The following LGR5 variants were observed in gnomAD, a reference collection of about 807,000 sequenced individuals.
LGR5 encodes the protein leucine rich repeat containing G protein-coupled receptor 5, also known as leucine-rich repeat-containing G protein-coupled receptor 5.
A neutral mutation model predicts 76.7 loss-of-function variants in LGR5; 54 were observed. The observed-to-expected ratio is 0.70, with a 90% confidence interval of 0.57 to 0.88. The LOEUF (loss-of-function observed/expected upper bound fraction) is 0.88, where lower values mean the gene tolerates loss of function less well. Ranked by LOEUF, LGR5 falls within the 40% of genes least tolerant of loss-of-function variation. The pLI, the probability that LGR5 is intolerant of heterozygous loss-of-function variation, is 0.00. For missense variants in LGR5, 1,078 were observed against 1,073.3 expected, an observed-to-expected ratio of 1.00 and a Z score of -0.06; for synonymous variants, 406 against 421.9, an observed-to-expected ratio of 0.96 and a Z score of 0.46.
chr12:71,572,872 T>C lies in LGR5; in HGVS notation c.1159T>C (p.Tyr387His). Residue 387 changes from tyrosine to histidine, a missense_variant, in exon 13 of 18, where the codon TAC becomes CAC. Tyr to His is a moderately conservative substitution (Grantham distance 83). Transcript: ENST00000266674. ...CAGTGACCTAAGACATAATGAAATC[T>C]ACGAAATTAAAGTTGACACTTTCCA... ...QKIDLRHNEI[Y>H]EIKVDTFQQL... is the part of the protein sequence containing the mutation. 6.2e-7 allele frequency: 1 copy of C among 1,613,892 alleles called. No individual in the cohort carries two copies. Among genetic ancestry groups the C allele is most frequent in the Non-Finnish European group, 8.5e-7 (1 of 1,179,802 alleles).
intron 4 of LGR5, among the ~76,000 whole-genome samples, chr12:71,540,315 A>C (rs80259529): frequency 0.047 from 7,172 of 152,308 alleles, 225 homozygotes; most frequent in Middle Eastern, 0.12. Flanking sequence ...CCAAGTGTGC[A>C]CAAGTGAAGC....
intron 1 of LGR5, among the ~76,000 whole-genome samples, chr12:71,442,311 A>C (rs1418881405): frequency 6.6e-6 from 1 of 152,128 alleles, no homozygotes. Context: ...ACTTACTGCC[A>C]CCTACTGCCA....
intron 1 of LGR5, chr12:71,441,395 G>T (rs897305532): frequency 1.3e-5 from 2 of 152,206 alleles, no homozygotes; most frequent in Non-Finnish European, 2.9e-5. Flanking sequence ...AAACATTTAG[G>T]TTTTAGATCA....
chr12:71,449,624 A>G (rs576684229), intron 1 of LGR5, among the ~76,000 whole-genome samples: 101 of 152,296 alleles, frequency 6.6e-4, no homozygotes, highest in African/African-American at 2.4e-3. Flanking sequence ...TGTTAGGTAG[A>G]TATGTTCTGG....
intron 1 of LGR5, among the ~76,000 whole-genome samples, chr12:71,484,716 C>A (rs777052481): frequency 6.6e-6 from 1 of 152,172 alleles, no homozygotes; most frequent in Non-Finnish European, 1.5e-5. Flanking sequence ...GGGATGTGAG[C>A]TGAGTACACA....
At chr12:71,481,832 G>A (rs1873619492) in intron 1 of LGR5, among the ~76,000 whole-genome samples, 1 of 151,972 alleles carries the variant, frequency 6.6e-6, no homozygotes, top group African/African-American at 2.4e-5. Context: ...ATGTTGCCTG[G>A]GGGGTATTTT....
chr12:71,508,267 A>G (rs554732434), intron 2 of LGR5, among the ~76,000 whole-genome samples: 61 of 152,080 alleles, frequency 4.0e-4, no homozygotes, highest in African/African-American at 1.5e-3. Flanking sequence ...AAGCCACATT[A>G]TCACTCTTCC....
chr12:71,515,114 G>A (rs1875373742), intron 2 of LGR5, among the ~76,000 whole-genome samples: 1 of 152,184 alleles, frequency 6.6e-6, no homozygotes, highest in Non-Finnish European at 1.5e-5. Context: ...CTGCTGTCAT[G>A]CATTACTGCA....
chr12:71,462,601 G>A (rs1219948996), intron 1 of LGR5, among the ~76,000 whole-genome samples: 2 of 152,110 alleles, frequency 1.3e-5, no homozygotes, highest in Non-Finnish European at 2.9e-5. Flanking sequence ...ATGGCTGGGA[G>A]TAATCGTCTC....
chr12:71,491,546 G>A (rs577175948), intron 1 of LGR5, among the ~76,000 whole-genome samples: 1 of 151,932 alleles, frequency 6.6e-6, no homozygotes, highest in South Asian at 2.1e-4. Context: ...ATCTATGACA[G>A]AGTTTTATCT....
At chr12:71,563,101 A>T (rs1278746271) in intron 8 of LGR5, among the ~76,000 whole-genome samples, 2 of 151,932 alleles carry the variant, frequency 1.3e-5, no homozygotes, top group Non-Finnish European at 2.9e-5. Flanking sequence ...ATATGCTAAT[A>T]CTCCCTGAGG....
At chr12:71,462,298 G>A (rs1181443599) in intron 1 of LGR5, among the ~76,000 whole-genome samples, 1 of 152,058 alleles carries the variant, frequency 6.6e-6, no homozygotes, top group Non-Finnish European at 1.5e-5. Context: ...CTGTCAACTA[G>A]GCCTCTGAAT....
In LGR5 at chr12:71,582,551, A is replaced by G. The variant is rs1879137983; in HGVS notation, c.1636+12A>G. On this transcript the variant is annotated intron_variant, in intron 17 of 17. Coordinates refer to ENST00000266674, the MANE Select transcript of LGR5 (RefSeq NM_003667.4). Reference sequence around the variant, plus strand: ...TTCACCTTCCCCAGGTGAGAAAGGCATCAAAAATTCCTCAACGGCAGTATC... The same window carrying G: ...TTCACCTTCCCCAGGTGAGAAAGGCGTCAAAAATTCCTCAACGGCAGTATC... The G allele has an allele frequency of 1.2e-6, 2 of 1,602,262 alleles. No individual in the cohort carries two copies. Among genetic ancestry groups the G allele is most frequent in the African/African-American group, 1.3e-5 (1 of 74,716 alleles).
chr12:71,495,993 G>C (rs979059534), intron 1 of LGR5, among the ~76,000 whole-genome samples: 7 of 152,280 alleles, frequency 4.6e-5, no homozygotes, highest in African/African-American at 1.7e-4. Flanking sequence ...CACGTGAAAA[G>C]ATGCTCAGCT....
chr12:71,565,632 C>T (rs898729295), intron 8 of LGR5, among the ~76,000 whole-genome samples: 6 of 150,036 alleles, frequency 4.0e-5, no homozygotes, highest in Non-Finnish European at 8.9e-5. Context: ...AGTATAATGC[C>T]AAGTCCAAAG....
intron 1 of LGR5, among the ~76,000 whole-genome samples, chr12:71,503,965 CTTG>C (rs1874727724): frequency 6.6e-6 from 1 of 152,138 alleles, no homozygotes; most frequent in Non-Finnish European, 1.5e-5. Flanking sequence ...CTTAAAGTGG[CTTG>C]TTGTTTCCTG....
intron 13 of LGR5, among the ~76,000 whole-genome samples, chr12:71,575,710 C>T (rs1037839020): frequency 2.9e-5 from 4 of 140,182 alleles, no homozygotes; most frequent in Admixed American, 2.8e-4. Flanking sequence ...GACTCCATCT[C>T]AAAAAATATA....
chr12:71,504,757 C>A (rs1874778466), intron 2 of LGR5, 72 bp downstream of exon 2: 1 of 1,218,438 alleles, frequency 8.2e-7, no homozygotes, highest in Non-Finnish European at 1.2e-6. Flanking sequence ...CTCATACTTA[C>A]TGTGGGAACC....
chr12:71,515,041 T>C (rs1875369371), intron 2 of LGR5, among the ~76,000 whole-genome samples: 1 of 152,192 alleles, frequency 6.6e-6, no homozygotes, highest in Non-Finnish European at 1.5e-5. Context: ...ACGTATCTGG[T>C]CCCATCTGAC....
Sources: allele counts gnomAD v4.1 joint callset (sites outside exome capture counted in the v4.1 genomes callset), GRCh38; gene constraint gnomAD v4.1.1; transcripts MANE v1.5; gene names NCBI Gene and HGNC (gene_info 2026-07-23, HGNC 2026-07-21).